The following BRCA2 variants were observed in gnomAD, a reference collection of about 807,000 sequenced individuals.
The protein encoded by BRCA2 is BRCA2 DNA repair associated.
BRCA2 carries 203 observed loss-of-function variants against 276.7 expected under a neutral mutation model. The ratio of observed to expected loss-of-function variants is 0.73; its 90% CI spans 0.65 to 0.82. The LOEUF is 0.82. Ranked by LOEUF, BRCA2 falls within the 40% of genes least tolerant of loss-of-function variation. The pLI is 0.00. For missense variants in BRCA2, 3,920 were observed against 3,915.0 expected, an observed-to-expected ratio of 1.00 and a Z score of -0.03; for synonymous variants, 1,289 against 1,338.4, an observed-to-expected ratio of 0.96 and a Z score of 0.81.
rs80358468 is a variant in BRCA2 at position 32,333,292 on chromosome 13, T to C, written c.1814T>C (p.Ile605Thr). 9.3e-6 allele frequency: 15 copies of C among 1,604,820 alleles called. No homozygotes were observed. The highest frequency in any genetic ancestry group is 4.1e-5 in the African/African-American group (3 of 74,046). The change falls in exon 10 of 27, where the codon ATA (isoleucine) becomes ACA (threonine). Residue 605 changes from isoleucine (I) to threonine (T), a missense_variant. Ile to Thr is a moderately conservative substitution (Grantham distance 89). Coordinates refer to ENST00000380152, the MANE Select transcript of BRCA2 (RefSeq NM_000059.4). ...GAAACATCTTATAAAGGAAAAAAAATACCGAAAGACCAAAAATCAGAACTA... is the reference window on the plus strand; with the variant it reads ...GAAACATCTTATAAAGGAAAAAAAACACCGAAAGACCAAAAATCAGAACTA... ...HDETSYKGKK[I>T]PKDQKSELIN...
Position 32,357,879 on chromosome 13 carries a change from A to G in BRCA2, c.7755A>G (p.Gly2585=), listed in dbSNP as rs759780424. 1.9e-6 allele frequency: 3 copies of G among 1,614,138 alleles called. No homozygotes were observed. Among genetic ancestry groups the G allele is most frequent in the East Asian group, 4.5e-5 (2 of 44,858 alleles). ...TGKGIQLADG[G]WLIPSNDGKA... ...AAGGAATACAGTTGGCTGATGGTGGATGGCTCATACCCTCCAATGATGGAA... is the reference window on the plus strand; with the variant it reads ...AAGGAATACAGTTGGCTGATGGTGGGTGGCTCATACCCTCCAATGATGGAA... Residue 2585 remains glycine (G), a synonymous_variant, in exon 16 of 27, where the codon GGA becomes GGG. Coordinates refer to ENST00000380152, the MANE Select transcript of BRCA2 (RefSeq NM_000059.4).
chr13:32,366,067 A>G, intron 18 of BRCA2, among the ~76,000 whole-genome samples: 1 of 152,098 alleles, frequency 6.6e-6, no homozygotes, highest in African/African-American at 2.4e-5. Flanking sequence ...ATATTTTTAC[A>G]TAATTTTGTA....
chr13:32,388,900 G>C (rs2072979579), intron 24 of BRCA2, among the ~76,000 whole-genome samples: 1 of 152,070 alleles, frequency 6.6e-6, no homozygotes, highest in East Asian at 1.9e-4. Context: ...TACAATGAAG[G>C]TAATTATTGA....
rs2072989159 is a variant in BRCA2, at chr13:32,390,421, A to G, written c.9257-4268A>G. 2.0e-5 allele frequency among the ~76,000 whole-genome samples: 3 copies of G among 152,296 alleles called. No individual in the cohort carries two copies. The South Asian group carries it at 6.2e-4, about 32-fold the overall frequency. ...GGCAACAGTGAGATTCTGTCTCTATAAACATAAAAACTAAATTTAAAAAAA... is the reference window on the plus strand; with the variant it reads ...GGCAACAGTGAGATTCTGTCTCTATGAACATAAAAACTAAATTTAAAAAAA... On this transcript the variant is annotated intron_variant, in intron 24 of 26. Transcript: ENST00000380152.
At position 32,397,005 on chromosome 13, in the gene BRCA2, C is replaced by T. The variant is rs1160444335; in HGVS notation, c.9609C>T (p.Tyr3203=). ...CTAAAGACTGTACTTCAGGGCCGTACACTGCTCAAATCATTCCTGGTACAG... is the reference window on the plus strand; with the variant it reads ...CTAAAGACTGTACTTCAGGGCCGTATACTGCTCAAATCATTCCTGGTACAG... The part of the protein sequence containing the change: ...TPTKDCTSGP[Y]TAQIIPGTGN... Residue 3203 remains tyrosine, a synonymous_variant, in exon 26 of 27, where the codon TAC becomes TAT. Coordinates refer to ENST00000380152, the MANE Select transcript of BRCA2 (RefSeq NM_000059.4). 2 of 1,614,092 alleles carry T rather than the reference C, an allele frequency of 1.2e-6. No homozygotes were observed. Among genetic ancestry groups the T allele is most frequent in the South Asian group, 1.1e-5 (1 of 91,080 alleles).
At chr13:32,346,662 A>G (rs1418765066) in intron 12 of BRCA2, among the ~76,000 whole-genome samples, 165 bp from the exon 13 acceptor site, 2 of 152,102 alleles carry the variant, frequency 1.3e-5, no homozygotes, top group African/African-American at 2.4e-5. Context: ...GTCATTATCA[A>G]TTTGTGAATC....
intron 24 of BRCA2, among the ~76,000 whole-genome samples, chr13:32,390,289 G>A (rs1486163186): frequency 2.0e-5 from 3 of 151,914 alleles, no homozygotes; most frequent in Admixed American, 6.6e-5. Context: ...CCATACACAC[G>A]TCAGCTAAAC....
rs2137514090 is a variant in BRCA2 at position 32,339,469 on chromosome 13, T to G, written c.5114T>G (p.Ile1705Arg). 4 of 1,587,184 alleles carry G rather than the reference T, an allele frequency of 2.5e-6. No homozygotes were observed. The South Asian group carries it at 3.5e-5, about 14-fold the overall frequency. Residue 1705 changes from isoleucine to arginine, a missense_variant, in exon 11 of 27, where the codon ATA becomes AGA. This residue lies in a region of BRCA2 where 3,263 missense variants were observed against 3,156.9 expected (regional missense o/e 1.03). Transcript: ENST00000380152. ...ATATTTGATGGTCAACCAGAAAGAA[T>G]AAATACTGCAGATTATGTAGGAAAT... ...EGIFDGQPER[I>R]NTADYVGNYL...
intron 24 of BRCA2, among the ~76,000 whole-genome samples, chr13:32,380,725 A>C (rs547123050): frequency 6.6e-6 from 1 of 151,954 alleles, no homozygotes; most frequent in South Asian, 2.1e-4. Flanking sequence ...TATTTTTAGT[A>C]GAGTCGGGGT....
Position 32,338,317 on chromosome 13 carries a change from A to T in BRCA2, c.3962A>T (p.Asp1321Val), listed in dbSNP as rs80358645. The T allele has an allele frequency of 6.3e-7, 1 of 1,585,380 alleles. No homozygotes were observed. The highest frequency in any genetic ancestry group is 1.4e-5 in the African/African-American group (1 of 73,552). ...ENYKRNTENE[D>V]NKYTAASRNS... Reference sequence around the variant, plus strand: ...TACAAGAGAAATACTGAAAATGAAGATAACAAATATACTGCTGCCAGTAGA... The same window carrying T: ...TACAAGAGAAATACTGAAAATGAAGTTAACAAATATACTGCTGCCAGTAGA... Residue 1321 changes from aspartate (D) to valine (V), a missense_variant, in exon 11 of 27, where the codon GAT (aspartate) becomes GTT (valine). By Grantham distance (152) the Asp-to-Val change is radical. This residue lies in a region of BRCA2 where 3,263 missense variants were observed against 3,156.9 expected (regional missense o/e 1.03). Coordinates refer to ENST00000380152, the MANE Select transcript of BRCA2 (RefSeq NM_000059.4).
At chr13:32,381,528 T>G (rs1238506117) in intron 24 of BRCA2, among the ~76,000 whole-genome samples, 2 of 152,136 alleles carry the variant, frequency 1.3e-5, no homozygotes, top group African/African-American at 4.8e-5. Flanking sequence ...TTCCAGGCAA[T>G]TACAAAGGCC....
At position 32,380,137 on chromosome 13, in the gene BRCA2, A is replaced by G. The variant is rs876658793; in HGVS notation, c.9248A>G (p.Lys3083Arg). 3 of 1,613,120 alleles carry G rather than the reference A, an allele frequency of 1.9e-6. No homozygotes were observed. The highest frequency in any genetic ancestry group is 4.5e-5 in the East Asian group (2 of 44,842). ...DLIGFVVSVVKKTGLAPFVYL... is the reference protein window; with the variant it reads ...DLIGFVVSVVRKTGLAPFVYL... ...ATAGGATTTGTCGTTTCTGTTGTGA[A>G]AAAAACAGGTAATGCACAATATAGT... Residue 3083 changes from lysine to arginine, a missense_variant, in exon 24 of 27, where the codon AAA becomes AGA. Around this residue, in one of 2 missense-constraint regions of BRCA2, gnomAD observed 657 missense variants for 758.2 expected, o/e 0.87. Transcript: ENST00000380152.
At chr13:32,350,363 G>A (rs1449296941) in intron 13 of BRCA2, among the ~76,000 whole-genome samples, 2 of 152,146 alleles carry the variant, frequency 1.3e-5, no homozygotes, top group African/African-American at 4.8e-5. Flanking sequence ...GAGTTTAGAT[G>A]TGAATAAACA....
In BRCA2 at chr13:32,332,579, T is replaced by C. The variant is rs1566222754; in HGVS notation, c.1101T>C (p.Asp367=). Residue 367 remains aspartate (D), a synonymous_variant, in exon 10 of 27, where the codon GAT becomes GAC. Transcript: ENST00000380152. ...EVEPNDTDPL[D]SNVANQKPFE... ...AACCAAATGATACTGATCCATTAGA[T>C]TCAAATGTAGCAAATCAGAAGCCCT... 6.2e-7 allele frequency: 1 copy of C among 1,613,540 alleles called. No individual in the cohort carries two copies. Among genetic ancestry groups the C allele is most frequent in the Non-Finnish European group, 8.5e-7 (1 of 1,179,750 alleles).
rs574533117 is a variant in BRCA2, at chr13:32,398,905, G to A, written c.*135G>A. ...AAATTAGTTTCAAATTTACCTCAGC[G>A]TTTGTGTATCGGGCAAAAATCGTTT... is the stretch of plus-strand genomic sequence containing the variant. On this transcript the variant is annotated 3_prime_UTR_variant, in exon 27 of 27. Transcript: ENST00000380152. 1.6e-4 allele frequency: 189 copies of A among 1,212,826 alleles called. 4 individuals are homozygous for A. The South Asian group carries it at 2.1e-3, about 13-fold the overall frequency. The allele number at this position is 1,212,826 out of a possible 1,614,324, so 75.1% of individuals were successfully genotyped here.
rs886040486 is a variant in BRCA2 at position 32,337,986 on chromosome 13, G to A, written c.3631G>A (p.Glu1211Lys). 1 of 1,613,370 alleles carries A rather than the reference G, an allele frequency of 6.2e-7. No individual in the cohort carries two copies. Among genetic ancestry groups the A allele is most frequent in the Non-Finnish European group, 8.5e-7 (1 of 1,179,594 alleles). The change falls in exon 11 of 27, where the codon GAA (glutamate) becomes AAA (lysine). Residue 1211 changes from glutamate to lysine, a missense_variant. Physicochemically the swap from Glu to Lys is moderately conservative, Grantham distance 56. Transcript: ENST00000380152. ...NKSASGYLTDENEVGFRGFYS... is the reference protein window; with the variant it reads ...NKSASGYLTDKNEVGFRGFYS... ...AAGTGCTTCTGGTTATTTAACAGAT[G>A]AAAATGAAGTGGGGTTTAGGGGCTT...
chr13:32,316,299 C>G lies in BRCA2; in HGVS notation c.-39-123C>G, dbSNP rs1208036809. 9 of 705,348 alleles carry G rather than the reference C, an allele frequency of 1.3e-5. No homozygotes were observed. The Middle Eastern group carries it at 7.2e-4, about 57-fold the overall frequency. The allele number at this position is 705,348 out of a possible 1,614,324, so 43.7% of individuals were successfully genotyped here. ...TCCCATCCTCACAGTAAGCTGTTAC[C>G]GTTCCAGGAGATGGGACTGAATTAG... On this transcript the variant is annotated intron_variant, in intron 1 of 26. Transcript: ENST00000380152.
intron 25 of BRCA2, chr13:32,395,914 A>AGCAT (rs1391899120): frequency 9.0e-6 from 2 of 222,938 alleles, no homozygotes; most frequent in African/African-American, 4.9e-5. Context: ...GTTCCCATAC[A>AGCAT]GCATATCTAC....
intron 24 of BRCA2, among the ~76,000 whole-genome samples, chr13:32,391,886 C>G (rs533650737): frequency 3.9e-5 from 6 of 152,140 alleles, no homozygotes; most frequent in African/African-American, 1.4e-4. Context: ...CCTCCACTTA[C>G]GTAAAAGTGC....
Sources: gnomAD v4.1 joint callset for allele counts (sites outside exome capture counted in the v4.1 genomes callset) on GRCh38, gnomAD v4.1.1 for gene constraint, gnomAD v4.1.1 regional missense constraint, MANE v1.5 for transcripts, NCBI Gene and HGNC (gene_info 2026-07-23, HGNC 2026-07-21) for gene names.